Variants in SLC18B1 observed in about 807,000 individuals in gnomAD.
SLC18B1 encodes the protein MFS-type transporter SLC18B1.
SLC18B1 carries 62 observed loss-of-function variants against 53.9 expected under a neutral mutation model. The ratio of observed to expected loss-of-function variants is 1.15; its 90% CI spans 0.94 to 1.42. The LOEUF is 1.42. Among genes scored for constraint, SLC18B1 ranks in the 40% most tolerant of loss-of-function variants. The probability of loss-of-function intolerance (pLI) is 0.00; values close to 1 mark genes in which losing one functional copy is unlikely to be tolerated. For missense variants in SLC18B1, 598 were observed against 547.3 expected (o/e 1.09, Z -0.93); for synonymous variants, 217 against 200.9 (o/e 1.08, Z -0.68).
At chr6:132,792,292 G>GAAAGAAAGAAAGA (rs1781559322) in intron 2 of SLC18B1, among the ~76,000 whole-genome samples, 1 of 31,594 alleles carries the variant, frequency 3.2e-5, no homozygotes, top group African/African-American at 2.0e-4. Context: ...AGGAAGAAAG[G>GAAAGAAAGAAAGA]AAGGAAGGAA....
chr6:132,770,365 T>C, intron 13 of SLC18B1, 29 bp from the exon 14 acceptor site: 1 of 1,535,796 alleles, frequency 6.5e-7, no homozygotes, highest in Non-Finnish European at 9.0e-7. Context: ...GAGATGAATC[T>C]CAATATTTCT....
intron 10 of SLC18B1, 100 bp from the exon 11 acceptor site, chr6:132,772,306 G>A: frequency 5.1e-5 from 33 of 647,682 alleles, no homozygotes; most frequent in Middle Eastern, 2.8e-4. Flanking sequence ...AGGATAATCT[G>A]GAAAAAAACC....
chr6:132,785,994 G>C (rs985598535), intron 5 of SLC18B1, among the ~76,000 whole-genome samples: 4 of 150,622 alleles, frequency 2.7e-5, no homozygotes, highest in South Asian at 4.2e-4. Flanking sequence ...ATTTAATAAA[G>C]TATCCCTACT....
At chr6:132,783,069 C>T (rs1428008600) in intron 6 of SLC18B1, among the ~76,000 whole-genome samples, 6 of 152,158 alleles carry the variant, frequency 3.9e-5, no homozygotes, top group Non-Finnish European at 8.8e-5. Context: ...GCCACTGCGC[C>T]TAGCGAAATA....
At chr6:132,787,736 G>T (rs1292243458) in intron 4 of SLC18B1, among the ~76,000 whole-genome samples, 155 bp from the exon 5 acceptor site, 1 of 150,794 alleles carries the variant, frequency 6.6e-6, no homozygotes, top group African/African-American at 2.4e-5. Context: ...TTGCTTTGTT[G>T]TCTTTTCAGG....
chr6:132,785,398 A>G (rs190657900), intron 5 of SLC18B1, among the ~76,000 whole-genome samples: 1 of 152,260 alleles, frequency 6.6e-6, no homozygotes, highest in Non-Finnish European at 1.5e-5. Context: ...AGGGTTTACC[A>G]CTATAGATAT....
chr6:132,787,595 AG>A lies in SLC18B1; in HGVS notation c.354-15del. ...CGGTCCAATACACTAAAAAGGAATA[AG>A]ACAATTCTGAAATGCCAAGCTGGTT... On this transcript the variant is annotated splice_polypyrimidine_tract_variant and intron_variant, in intron 4 of 13. Transcript: ENST00000275227. 1 of 1,527,030 alleles carries A rather than the reference AG, an allele frequency of 6.5e-7. No individual in the cohort carries two copies. The highest frequency in any genetic ancestry group is 8.7e-7 in the Non-Finnish European group (1 of 1,143,878). 94.6% of individuals were successfully genotyped at this position (1,527,030 alleles called of 1,614,324 possible).
At chr6:132,787,371 T>G in intron 5 of SLC18B1, 63 bp downstream of exon 5, 20 of 1,435,048 alleles carry the variant, frequency 1.4e-5, no homozygotes, top group Non-Finnish European at 1.8e-5. Flanking sequence ...AGCTTTAACT[T>G]GGAAGGGCAA....
chr6:132,780,568 T>G (rs923004697), intron 6 of SLC18B1, among the ~76,000 whole-genome samples: 11 of 127,536 alleles, frequency 8.6e-5, no homozygotes, highest in South Asian at 2.4e-4. Context: ...GGTGTTAGTT[T>G]TTTTTTTTTT....
At chr6:132,776,502 C>T in intron 7 of SLC18B1, 73 bp from the exon 8 acceptor site, 1 of 1,090,270 alleles carries the variant, frequency 9.2e-7, no homozygotes, top group Non-Finnish European at 1.3e-6. Flanking sequence ...TTTCCCTCTA[C>T]CATTTCTTTA....
rs141963695 is a variant in SLC18B1 at position 132,776,860 on chromosome 6, G to T, written c.796-431C>A. Reference sequence around the variant, plus strand: ...TTGGAGTTGGGTAATAGGATGGGCTGCAGCACTTCCACCTGAAAAGGGAGC... The same window carrying T: ...TTGGAGTTGGGTAATAGGATGGGCTTCAGCACTTCCACCTGAAAAGGGAGC... On this transcript the variant is annotated intron_variant, in intron 7 of 13. Coordinates refer to ENST00000275227, the MANE Select transcript of SLC18B1 (RefSeq NM_052831.3). 2.9e-3 allele frequency among the ~76,000 whole-genome samples: 441 copies of T among 152,308 alleles called. 1 individual carries two copies. Among genetic ancestry groups the T allele is most frequent in the Non-Finnish European group, 4.9e-3 (334 of 68,026 alleles).
intron 8 of SLC18B1, 47 bp downstream of exon 8, chr6:132,776,281 G>A: frequency 6.9e-7 from 1 of 1,447,656 alleles, no homozygotes. Context: ...GAAAACCACT[G>A]CTCTAAACAT....
chr6:132,770,454 G>C, intron 13 of SLC18B1, 118 bp from the exon 14 acceptor site: 3 of 858,980 alleles, frequency 3.5e-6, no homozygotes, highest in Non-Finnish European at 5.5e-6. Flanking sequence ...AGTTTCTACT[G>C]CCCGGGCATG....
intron 7 of SLC18B1, 73 bp downstream of exon 7, chr6:132,779,195 G>T (rs1208833879): frequency 5.7e-6 from 9 of 1,572,524 alleles, no homozygotes; most frequent in African/African-American, 1.3e-5. Flanking sequence ...TCTTTCCACA[G>T]AGCAGGGCCC....
chr6:132,785,118 AGT>A (rs3063220), intron 5 of SLC18B1, among the ~76,000 whole-genome samples: 7,639 of 142,474 alleles, frequency 0.054, 239 homozygotes, highest in Non-Finnish European at 0.066. Flanking sequence ...TCTCTCTCTC[AGT>A]GTGTGTGTGT....
chr6:132,776,232 T>C (rs1003693427), intron 8 of SLC18B1, 96 bp downstream of exon 8: 1 of 930,036 alleles, frequency 1.1e-6, no homozygotes, highest in Non-Finnish European at 1.7e-6. Flanking sequence ...ATATATCAAG[T>C]CTAACCAGTG....
In SLC18B1 at chr6:132,784,073, A is replaced by G. The variant is rs1446466763; in HGVS notation, c.518T>C (p.Phe173Ser). Residue 173 changes from phenylalanine (F) to serine (S), a missense_variant, in exon 6 of 14, where the codon TTT (phenylalanine) becomes TCT (serine). By Grantham distance (155) the Phe-to-Ser change is radical (BLOSUM62 -2). Transcript: ENST00000275227. ...ACCTAGTATTAGCCCCAGTCCAGAAAAAGTCTCAAGACTTCCCTTAAAATG... is the reference window on the plus strand; with the variant it reads ...ACCTAGTATTAGCCCCAGTCCAGAAGAAGTCTCAAGACTTCCCTTAAAATG... ...VATVLGSLET[F>S]SGLGLILGPP... is the part of the protein sequence containing the mutation. 2.6e-6 allele frequency: 4 copies of G among 1,568,488 alleles called. No individual in the cohort carries two copies. Among genetic ancestry groups the G allele is most frequent in the Non-Finnish European group, 3.4e-6 (4 of 1,163,610 alleles).
chr6:132,790,079 G>T, intron 3 of SLC18B1, 98 bp downstream of exon 3: 2 of 892,410 alleles, frequency 2.2e-6, no homozygotes, highest in Non-Finnish European at 3.4e-6. Flanking sequence ...TATAACGATG[G>T]CTATTTCTGT....
chr6:132,791,644 G>A lies in SLC18B1; in HGVS notation c.184-1372C>T, dbSNP rs549620888. Among the ~76,000 whole-genome samples the A allele has an allele frequency of 2.6e-5, 4 of 152,254 alleles. No homozygotes were observed. In the South Asian group the frequency reaches 8.3e-4, roughly 32 times the overall value. ...CCTCAGAAATGTCCCTAAGCACTTG[G>A]TGGTGGGTGAGGGCAGAGAGGATGG... On this transcript the variant is annotated intron_variant, in intron 2 of 13. Coordinates refer to ENST00000275227, the MANE Select transcript of SLC18B1 (RefSeq NM_052831.3).
Sources: allele counts gnomAD v4.1 joint callset (sites outside exome capture counted in the v4.1 genomes callset), GRCh38; gene constraint gnomAD v4.1.1; transcripts MANE v1.5; gene names NCBI Gene and HGNC (gene_info 2026-07-23, HGNC 2026-07-21).